Variants in VWA3B observed in about 807,000 individuals in gnomAD.
VWA3B encodes the protein von Willebrand factor A domain containing 3B.
VWA3B carries 138 observed loss-of-function variants against 158.3 expected under a neutral mutation model. That is an observed-to-expected ratio of 0.87 (90% CI 0.76 to 1.00). VWA3B has a LOEUF of 1.00. VWA3B is among the 50% of genes least tolerant of loss of function. The probability of loss-of-function intolerance (pLI) is 0.00; values close to 1 mark genes in which losing one functional copy is unlikely to be tolerated. For synonymous variants in VWA3B, 596 were observed against 587.3 expected (o/e 1.01, Z -0.21); for missense variants, 1,555 against 1,565.1 (o/e 0.99, Z 0.11).
At position 98,216,990 on chromosome 2, in the gene VWA3B, C is replaced by CCCA. The variant is rs760409837; in HGVS notation, c.1837-856_1837-855insCCA. 4.5e-5 allele frequency: 54 copies of CCCA among 1,208,916 alleles called. 1 individual carries two copies. The highest frequency in any genetic ancestry group is 5.6e-5 in the Non-Finnish European group (52 of 920,482). The allele number at this position is 1,208,916 out of a possible 1,614,324, so 74.9% of individuals were successfully genotyped here. A position where few individuals can be genotyped will look rare whatever the true frequency, so the allele number is the denominator to read the frequency against. On this transcript the variant is annotated intron_variant, in intron 13 of 27. Coordinates refer to ENST00000477737, the MANE Select transcript of VWA3B (RefSeq NM_144992.5). ...TGTGTATCATTGTAAGCACCCGCCC[C>CCCA]GCACCCAGTCTCAGGTGGTCCCTTC...
At chr2:98,249,694 A>G (rs183009831) in intron 19 of VWA3B, among the ~76,000 whole-genome samples, 7 of 152,262 alleles carry the variant, frequency 4.6e-5, no homozygotes, top group Admixed American at 3.3e-4. Context: ...AAAGAACTCA[A>G]AAAGAAGCCT....
rs1691000744 is a variant in VWA3B at position 98,313,022 on chromosome 2, T to A, written c.*673T>A. ...AATGACATATGAAAGTATTCAGTTGTGTTTACTAACTTCAAAAATGAAATC... is the reference window on the plus strand; with the variant it reads ...AATGACATATGAAAGTATTCAGTTGAGTTTACTAACTTCAAAAATGAAATC... On this transcript the variant is annotated 3_prime_UTR_variant, in exon 28 of 28. Transcript: ENST00000477737. The A allele has an allele frequency of 6.6e-6, 1 of 152,260 alleles. No homozygotes were observed. The highest frequency in any genetic ancestry group is 1.5e-5 in the Non-Finnish European group (1 of 68,050). The allele number at this position is 152,260 out of a possible 1,614,324, so 9.4% of individuals were successfully genotyped here. A position where few individuals can be genotyped will look rare whatever the true frequency, so the allele number is the denominator to read the frequency against.
chr2:98,232,727 A>G (rs1685421217), intron 16 of VWA3B, among the ~76,000 whole-genome samples: 1 of 152,080 alleles, frequency 6.6e-6, no homozygotes, highest in Non-Finnish European at 1.5e-5. Flanking sequence ...TGTGGTTCTG[A>G]TGGCGATTTA....
chr2:98,095,099 G>T (rs1019174225), intron 2 of VWA3B, among the ~76,000 whole-genome samples: 1 of 152,062 alleles, frequency 6.6e-6, no homozygotes, highest in Non-Finnish European at 1.5e-5. Context: ...GTTGCTTTGG[G>T]TATTCTGGCT....
the VWA3B span, among the ~76,000 whole-genome samples, chr2:98,319,563 C>T: frequency 6.6e-6 from 1 of 152,078 alleles, no homozygotes; most frequent in Non-Finnish European, 1.5e-5. Flanking sequence ...TAACTTCACT[C>T]ATGATAAGAG....
rs747726677 is a variant in VWA3B, at chr2:98,115,698, T to C, written c.243T>C (p.Asp81=). 110 of 1,613,750 alleles carry C rather than the reference T, an allele frequency of 6.8e-5. No individual in the cohort carries two copies. The highest frequency in any genetic ancestry group is 9.2e-5 in the Non-Finnish European group (108 of 1,180,026). Residue 81 remains aspartate (D), a synonymous_variant, in exon 3 of 28, where the codon GAT becomes GAC. Transcript: ENST00000477737. ...LGRPVASRYA[D]GLFPQLYRAE... ...GACCTGTGGCTTCTCGGTATGCTGATGGTCTGTTTCCACAGCTCTACAGAG... is the reference window on the plus strand; with the variant it reads ...GACCTGTGGCTTCTCGGTATGCTGACGGTCTGTTTCCACAGCTCTACAGAG...
At chr2:98,328,440 A>G in the VWA3B span, among the ~76,000 whole-genome samples, 1 of 152,230 alleles carries the variant, frequency 6.6e-6, no homozygotes, top group Non-Finnish European at 1.5e-5. Context: ...TTATTTATAT[A>G]GAAACTCCTA....
chr2:98,178,570 TA>T (rs1267662275), intron 8 of VWA3B, among the ~76,000 whole-genome samples: 1 of 152,226 alleles, frequency 6.6e-6, no homozygotes, highest in Non-Finnish European at 1.5e-5. Flanking sequence ...TGCTACTTTT[TA>T]ATTAATAGTA....
intron 22 of VWA3B, among the ~76,000 whole-genome samples, chr2:98,275,623 T>G (rs1186885551): frequency 5.9e-5 from 9 of 152,262 alleles, no homozygotes; most frequent in Non-Finnish European, 1.0e-4. Context: ...GACCACGTAC[T>G]TCACATACCT....
intron 3 of VWA3B, among the ~76,000 whole-genome samples, chr2:98,117,882 G>A (rs1279801124): frequency 6.6e-6 from 1 of 151,030 alleles, no homozygotes; most frequent in Non-Finnish European, 1.5e-5. Context: ...AGCTACAGGT[G>A]TGCGCCACCG....
chr2:98,305,020 C>A (rs1409686732), intron 26 of VWA3B, among the ~76,000 whole-genome samples: 1 of 152,134 alleles, frequency 6.6e-6, no homozygotes, highest in East Asian at 1.9e-4. Context: ...CCACAGAGGC[C>A]ACACGGGACC....
At chr2:98,208,223 TC>T (rs1396815180) in intron 12 of VWA3B, among the ~76,000 whole-genome samples, 12 of 152,164 alleles carry the variant, frequency 7.9e-5, no homozygotes, top group African/African-American at 2.9e-4. Flanking sequence ...GTTTTTTCCA[TC>T]CTTTTACCTT....
Position 98,236,560 on chromosome 2 carries a change from C to G in VWA3B, c.2517-14C>G. 1.9e-6 allele frequency: 3 copies of G among 1,614,086 alleles called. No individual in the cohort carries two copies. The highest frequency in any genetic ancestry group is 1.7e-5 in the Admixed American group (1 of 60,020). On this transcript the variant is annotated splice_polypyrimidine_tract_variant and intron_variant, in intron 18 of 27. Transcript: ENST00000477737. ...AGTTGTAAATTTTAAAACACCACCT[C>G]CTTGTGTTCTTAGTTCTTCAGATGT...
At chr2:98,117,051 C>A (rs989514953) in intron 3 of VWA3B, among the ~76,000 whole-genome samples, 2 of 152,102 alleles carry the variant, frequency 1.3e-5, no homozygotes, top group African/African-American at 4.8e-5. Flanking sequence ...GGGTTTCCAC[C>A]TTCTCCTGTA....
At chr2:98,301,074 A>C (rs1690152786) in intron 25 of VWA3B, among the ~76,000 whole-genome samples, 1 of 152,106 alleles carries the variant, frequency 6.6e-6, no homozygotes, top group Non-Finnish European at 1.5e-5. Flanking sequence ...ACAGATCACA[A>C]GGTCAGGAGA....
Position 98,192,982 on chromosome 2 carries a change from C to G in VWA3B, c.1551C>G (p.His517Gln). ...TCTACATTCTCATTGACACGTCTCACTCAATGAAGAGCAAACTGGACTTGG... is the reference window on the plus strand; with the variant it reads ...TCTACATTCTCATTGACACGTCTCAGTCAATGAAGAGCAAACTGGACTTGG... ...DCIYILIDTS[H>Q]SMKSKLDLVK... The change falls in exon 11 of 28, where the codon CAC becomes CAG. Residue 517 changes from histidine to glutamine, a missense_variant. Coordinates refer to ENST00000477737, the MANE Select transcript of VWA3B (RefSeq NM_144992.5). The G allele has an allele frequency of 6.2e-7, 1 of 1,614,164 alleles. No individual in the cohort carries two copies. Among genetic ancestry groups the G allele is most frequent in the Non-Finnish European group, 8.5e-7 (1 of 1,180,022 alleles).
chr2:98,231,422 G>T (rs1386549324), intron 16 of VWA3B, among the ~76,000 whole-genome samples: 1 of 152,168 alleles, frequency 6.6e-6, no homozygotes, highest in Non-Finnish European at 1.5e-5. Context: ...TTAGCAGAGG[G>T]ATAGGTGGAA....
intron 23 of VWA3B, among the ~76,000 whole-genome samples, chr2:98,294,237 C>T (rs905989956): frequency 7.2e-6 from 1 of 138,486 alleles, no homozygotes; most frequent in Non-Finnish European, 1.6e-5. Context: ...AAAAGAAGGC[C>T]AAATAAAATG....
intron 22 of VWA3B, among the ~76,000 whole-genome samples, chr2:98,276,327 T>C (rs893377203): frequency 1.3e-5 from 2 of 152,172 alleles, no homozygotes; most frequent in African/African-American, 4.8e-5. Flanking sequence ...ACTCAAACTT[T>C]GGTGTGTGAA....
Sources: gnomAD v4.1 joint callset for allele counts (sites outside exome capture counted in the v4.1 genomes callset) on GRCh38, gnomAD v4.1.1 for gene constraint, MANE v1.5 for transcripts, NCBI Gene and HGNC (gene_info 2026-07-23, HGNC 2026-07-21) for gene names.